C12orf54: variants seen among roughly 807,000 people sequenced by gnomAD.
C12orf54 encodes the protein uncharacterized protein C12orf54.
In C12orf54, 24 loss-of-function variants were observed where a neutral mutation model predicts 26.4. That is an observed-to-expected ratio of 0.91 (90% CI 0.66 to 1.28). The LOEUF (loss-of-function observed/expected upper bound fraction) is 1.28. Ranked by LOEUF, C12orf54 falls within the 50% of genes most tolerant of loss-of-function variation. The probability of loss-of-function intolerance (pLI) is 0.00; values close to 1 mark genes in which losing one functional copy is unlikely to be tolerated. For missense variants in C12orf54, 154 were observed against 150.9 expected (o/e 1.02, Z -0.11); for synonymous variants, 54 against 47.0 (o/e 1.15, Z -0.61).
intron 2 of C12orf54, among the ~76,000 whole-genome samples, chr12:48,484,860 T>A (rs542786644): frequency 6.6e-6 from 1 of 152,302 alleles, no homozygotes; most frequent in South Asian, 2.1e-4. Context: ...ATGTGATTAT[T>A]ATGTATCAAT....
chr12:48,488,174 G>T (rs542694278), intron 4 of C12orf54: 5 of 736,440 alleles, frequency 6.8e-6, no homozygotes, highest in Non-Finnish European at 1.3e-5. Context: ...AGGGTATCCA[G>T]TATCTCCATG....
chr12:48,477,704 T>C (rs1019965226), upstream of C12orf54, among the ~76,000 whole-genome samples: 4 of 152,062 alleles, frequency 2.6e-5, no homozygotes, highest in Admixed American at 2.0e-4. Context: ...CAGGAAGAAG[T>C]TGAATCTCTG....
chr12:48,435,515 G>A, the C12orf54 span, among the ~76,000 whole-genome samples: 2 of 152,178 alleles, frequency 1.3e-5, no homozygotes, highest in Non-Finnish European at 2.9e-5. Context: ...CAGAGAGAAA[G>A]GTCGGGTTAC....
the C12orf54 span, among the ~76,000 whole-genome samples, chr12:48,474,454 C>T: frequency 6.6e-6 from 1 of 152,170 alleles, no homozygotes; most frequent in Non-Finnish European, 1.5e-5. Context: ...ATCATCTCAC[C>T]CAGGAAGTGC....
chr12:48,459,043 A>G, the C12orf54 span, among the ~76,000 whole-genome samples: 18 of 152,044 alleles, frequency 1.2e-4, no homozygotes, highest in African/African-American at 4.3e-4. Context: ...TTCAGGAATC[A>G]TACACTTTTT....
At chr12:48,433,849 A>C in the C12orf54 span, among the ~76,000 whole-genome samples, 1 of 152,168 alleles carries the variant, frequency 6.6e-6, no homozygotes, top group Non-Finnish European at 1.5e-5. Context: ...TGCAGAAGAC[A>C]GGTGATTTCT....
the C12orf54 span, among the ~76,000 whole-genome samples, chr12:48,474,282 G>C: frequency 6.6e-6 from 1 of 152,176 alleles, no homozygotes; most frequent in Non-Finnish European, 1.5e-5. Context: ...TGGCCGAATG[G>C]GAACAGCTCT....
the C12orf54 span, among the ~76,000 whole-genome samples, chr12:48,466,274 T>C: frequency 1.3e-5 from 2 of 152,192 alleles, no homozygotes; most frequent in Non-Finnish European, 2.9e-5. Flanking sequence ...CTGGACGTGG[T>C]GGCTCATGCC....
the C12orf54 span, among the ~76,000 whole-genome samples, chr12:48,463,562 T>C: frequency 1.3e-5 from 2 of 151,724 alleles, no homozygotes; most frequent in Non-Finnish European, 2.9e-5. Context: ...TCTCCAATCA[T>C]TCTATAAAGC....
chr12:48,460,313 A>G, the C12orf54 span, among the ~76,000 whole-genome samples: 9 of 152,186 alleles, frequency 5.9e-5, no homozygotes, highest in Non-Finnish European at 8.8e-5. Flanking sequence ...ACAAAACTAT[A>G]AAGAAAGGTG....
At chr12:48,418,129 G>T in the C12orf54 span, among the ~76,000 whole-genome samples, 1 of 152,222 alleles carries the variant, frequency 6.6e-6, no homozygotes, top group Non-Finnish European at 1.5e-5. Flanking sequence ...TTGCAAATGG[G>T]AATTCCATAA....
At chr12:48,424,502 A>C in the C12orf54 span, among the ~76,000 whole-genome samples, 1 of 151,740 alleles carries the variant, frequency 6.6e-6, no homozygotes, top group Non-Finnish European at 1.5e-5. Context: ...GTAAAAATTC[A>C]ATTTTTTTAT....
chr12:48,480,341 T>A (rs1040719873), upstream of C12orf54, among the ~76,000 whole-genome samples: 16 of 152,372 alleles, frequency 1.1e-4, no homozygotes, highest in African/African-American at 3.6e-4. Context: ...TTTAAGTTCC[T>A]TATAGATTCT....
At chr12:48,434,048 C>T in the C12orf54 span, among the ~76,000 whole-genome samples, 3 of 152,166 alleles carry the variant, frequency 2.0e-5, no homozygotes, top group Admixed American at 6.5e-5. Context: ...CCTGGAAAAT[C>T]GGGTCACTCC....
Position 48,490,797 on chromosome 12 carries a change from C to T in C12orf54, c.169-15C>T. ...AGCCCCCATCATCTCTGACTGTATTCTCATTATTTTTCAGCTGCAGGAAGA... is the reference window on the plus strand; with the variant it reads ...AGCCCCCATCATCTCTGACTGTATTTTCATTATTTTTCAGCTGCAGGAAGA... On this transcript the variant is annotated splice_polypyrimidine_tract_variant and intron_variant, in intron 5 of 8. Coordinates refer to ENST00000548364, the MANE Select transcript of C12orf54 (RefSeq NM_152319.4). 6.2e-7 allele frequency: 1 copy of T among 1,613,424 alleles called. No homozygotes were observed. Among genetic ancestry groups the T allele is most frequent in the East Asian group, 2.2e-5 (1 of 44,876 alleles).
chr12:48,467,012 T>G, the C12orf54 span, among the ~76,000 whole-genome samples: 1 of 152,162 alleles, frequency 6.6e-6, no homozygotes, highest in Non-Finnish European at 1.5e-5. Flanking sequence ...CCCCAACAGA[T>G]GTTCACTCAG....
At chr12:48,489,599 TA>T (rs1288741379) in intron 5 of C12orf54, among the ~76,000 whole-genome samples, 2 of 149,732 alleles carry the variant, frequency 1.3e-5, no homozygotes, top group Non-Finnish European at 3.0e-5. Context: ...TATTTTTTTG[TA>T]GAGACAGGGT....
chr12:48,453,105 A>G, the C12orf54 span, among the ~76,000 whole-genome samples: 1 of 152,180 alleles, frequency 6.6e-6, no homozygotes. Flanking sequence ...CCCATCAATG[A>G]TAGACTGGAT....
chr12:48,478,347 A>C (rs1043159227), upstream of C12orf54, among the ~76,000 whole-genome samples: 5 of 152,222 alleles, frequency 3.3e-5, no homozygotes, highest in African/African-American at 1.2e-4. Flanking sequence ...CAAGATAGGG[A>C]TGCCCTCTCT....
Sources: allele counts gnomAD v4.1 joint callset (sites outside exome capture counted in the v4.1 genomes callset), GRCh38; gene constraint gnomAD v4.1.1; transcripts MANE v1.5; gene names NCBI Gene and HGNC (gene_info 2026-07-23, HGNC 2026-07-21).